The following CADPS2 variants were observed in gnomAD, a reference collection of about 807,000 sequenced individuals.
CADPS2 encodes the protein calcium-dependent secretion activator 2.
Under a neutral mutation model 172.5 loss-of-function variants are expected in CADPS2, and 93 were observed. The observed-to-expected ratio is 0.54, with a 90% CI of 0.46 to 0.64. The LOEUF is 0.64. Among genes scored for constraint, CADPS2 ranks in the 30% least tolerant of loss-of-function variants. The pLI is 0.00. For missense variants in CADPS2, 1,420 were observed against 1,565.9 expected, an observed-to-expected ratio of 0.91 and a Z score of 1.57; for synonymous variants, 546 against 555.2, an observed-to-expected ratio of 0.98 and a Z score of 0.23.
At chr7:122,732,769 C>T (rs2091777467) in intron 2 of CADPS2, among the ~76,000 whole-genome samples, 1 of 141,936 alleles carries the variant, frequency 7.0e-6, no homozygotes, top group African/African-American at 2.6e-5. Context: ...AATCCTTCAA[C>T]ATACATTATG....
At chr7:122,742,811 A>G (rs2092555417) in intron 1 of CADPS2, among the ~76,000 whole-genome samples, 1 of 152,122 alleles carries the variant, frequency 6.6e-6, no homozygotes, top group South Asian at 2.1e-4. Context: ...ATGACTAGAG[A>G]GCTCTCTTAG....
intron 17 of CADPS2, among the ~76,000 whole-genome samples, chr7:122,435,253 A>G (rs1191707676): frequency 6.6e-6 from 1 of 152,320 alleles, no homozygotes; most frequent in South Asian, 2.1e-4. Context: ...CACACCATAC[A>G]TTTGAGAAAG....
At position 122,877,944 on chromosome 7, in the gene CADPS2, C is replaced by T. The variant is rs956975298; in HGVS notation, c.339+8055G>A. Among the ~76,000 whole-genome samples, 3 of 151,902 alleles carry T rather than the reference C, an allele frequency of 2.0e-5. No homozygotes were observed. In the East Asian group the frequency reaches 5.8e-4, roughly 29 times the overall value. On this transcript the variant is annotated intron_variant, in intron 1 of 29. Transcript: ENST00000449022. The stretch of plus-strand genomic sequence containing the variant: ...GGTGAGTGAGTGAGAAGATGAAGTC[C>T]AGGCCCTCTGAAGCCAGTGCTTTCC...
At chr7:122,379,031 T>C (rs984449489) in intron 25 of CADPS2, 1 of 196,032 alleles carries the variant, frequency 5.1e-6, no homozygotes, top group African/African-American at 2.4e-5. Flanking sequence ...ATGGGCTAAA[T>C]TCAAGGACTG....
At chr7:122,355,582 TA>T (rs11348437) in intron 27 of CADPS2, among the ~76,000 whole-genome samples, 39,811 of 142,020 alleles carry the variant, frequency 0.28, 5,696 homozygotes, top group African/African-American at 0.39. Flanking sequence ...GCTGTCTTAT[TA>T]AAAAAAAAAA....
chr7:122,875,100 T>C (rs1820856393), intron 1 of CADPS2, among the ~76,000 whole-genome samples: 1 of 152,132 alleles, frequency 6.6e-6, no homozygotes, highest in South Asian at 2.1e-4. Flanking sequence ...TACAAAGCAA[T>C]CCAGAAATGT....
intron 8 of CADPS2, among the ~76,000 whole-genome samples, chr7:122,554,270 T>C (rs1484256223): frequency 6.6e-6 from 1 of 152,168 alleles, no homozygotes; most frequent in Non-Finnish European, 1.5e-5. Flanking sequence ...ATCAGTGCCC[T>C]GGTGCCCTGT....
At chr7:122,506,763 C>G (rs904252624) in intron 9 of CADPS2, among the ~76,000 whole-genome samples, 1 of 150,020 alleles carries the variant, frequency 6.7e-6, no homozygotes, top group African/African-American at 2.4e-5. Context: ...TACACCAGAG[C>G]TGAATTTAAT....
At chr7:122,672,780 T>C (rs1013442553) in intron 2 of CADPS2, among the ~76,000 whole-genome samples, 1 of 152,216 alleles carries the variant, frequency 6.6e-6, no homozygotes, top group African/African-American at 2.4e-5. Flanking sequence ...GGCACACAAC[T>C]TATTCAGTGT....
intron 1 of CADPS2, among the ~76,000 whole-genome samples, chr7:122,868,713 T>C (rs1818933635): frequency 6.6e-6 from 1 of 152,170 alleles, no homozygotes; most frequent in Non-Finnish European, 1.5e-5. Context: ...AAGAACAAGA[T>C]ACATCTCCTG....
chr7:122,801,279 GC>G (rs1433702238), intron 1 of CADPS2, among the ~76,000 whole-genome samples: 1 of 152,000 alleles, frequency 6.6e-6, no homozygotes, highest in Non-Finnish European at 1.5e-5. Context: ...TATAAGAAAT[GC>G]TGCAAAAATC....
At chr7:122,702,234 C>A (rs2086247160) in intron 2 of CADPS2, 1 of 1,613,764 alleles carries the variant, frequency 6.2e-7, no homozygotes, top group African/African-American at 1.3e-5. Flanking sequence ...ATGACTGTCA[C>A]ATAGACTCCT....
chr7:122,660,219 G>A (rs1335386297), intron 3 of CADPS2, among the ~76,000 whole-genome samples: 1 of 152,192 alleles, frequency 6.6e-6, no homozygotes, highest in Admixed American at 6.5e-5. Flanking sequence ...TGACAGCAAT[G>A]CCACAAGGGA....
At chr7:122,535,641 A>ATTTTG (rs2062188117) in intron 8 of CADPS2, among the ~76,000 whole-genome samples, 1 of 152,100 alleles carries the variant, frequency 6.6e-6, no homozygotes, top group Non-Finnish European at 1.5e-5. Context: ...TCCTGTAAGA[A>ATTTTG]CTAGTAGAGA....
chr7:122,416,294 G>T, intron 17 of CADPS2, 130 bp from the exon 18 acceptor site: 3 of 367,026 alleles, frequency 8.2e-6, no homozygotes, highest in East Asian at 4.0e-5. Flanking sequence ...ACATTATTTA[G>T]ACAAAAAAAA....
chr7:122,821,457 C>A (rs759613373), intron 1 of CADPS2, among the ~76,000 whole-genome samples: 4 of 152,142 alleles, frequency 2.6e-5, no homozygotes, highest in Non-Finnish European at 5.9e-5. Flanking sequence ...GGATTTGCCC[C>A]ACCCAGGACT....
chr7:122,850,196 C>A, intron 1 of CADPS2: 2 of 1,103,906 alleles, frequency 1.8e-6, no homozygotes, highest in Non-Finnish European at 2.4e-6. Flanking sequence ...GATAGAGTAC[C>A]CTGAGGCTAT....
intron 6 of CADPS2, among the ~76,000 whole-genome samples, chr7:122,581,574 T>C (rs1460144072): frequency 1.3e-5 from 2 of 152,182 alleles, no homozygotes; most frequent in Non-Finnish European, 2.9e-5. Flanking sequence ...GTTGTAGCTA[T>C]TGAAATCTAT....
chr7:122,722,008 C>T (rs1032798857), intron 2 of CADPS2, among the ~76,000 whole-genome samples: 6 of 152,160 alleles, frequency 3.9e-5, no homozygotes, highest in Non-Finnish European at 4.4e-5. Flanking sequence ...ATGCTAAAAA[C>T]TCTCAATAAA....
Sources: gnomAD v4.1 joint callset for allele counts (sites outside exome capture counted in the v4.1 genomes callset) on GRCh38, gnomAD v4.1.1 for gene constraint, MANE v1.5 for transcripts, NCBI Gene and HGNC (gene_info 2026-07-23, HGNC 2026-07-21) for gene names.